HLA-DRB5: variants seen among roughly 807,000 people sequenced by gnomAD.
The protein encoded by HLA-DRB5 is major histocompatibility complex, class II, DR beta 5.
A neutral mutation model predicts 22.4 loss-of-function variants in HLA-DRB5; 11 were observed. The observed-to-expected ratio is 0.49, with a 90% CI of 0.31 to 0.81. The LOEUF (loss-of-function observed/expected upper bound fraction) is 0.81, where lower values mean the gene tolerates loss of function less well. Among genes scored for constraint, HLA-DRB5 ranks in the 40% least tolerant of loss-of-function variants. The pLI, the probability that HLA-DRB5 is intolerant of heterozygous loss-of-function variation, is 0.05. For synonymous variants in HLA-DRB5, 57 were observed against 106.0 expected, an observed-to-expected ratio of 0.54 and a Z score of 2.84; for missense variants, 106 against 274.4, an observed-to-expected ratio of 0.39 and a Z score of 4.34.
intron 1 of HLA-DRB5, among the ~76,000 whole-genome samples, chr6:32,528,404 A>G (rs958446864): frequency 7.3e-6 from 1 of 137,324 alleles, no homozygotes; most frequent in Non-Finnish European, 1.6e-5. Context: ...CCCAGTACAG[A>G]GTAGCTGCTG....
At chr6:32,520,266 G>A (rs181485460) in intron 2 of HLA-DRB5, among the ~76,000 whole-genome samples, 443 of 51,202 alleles carry the variant, frequency 8.7e-3, no homozygotes, top group African/African-American at 0.012. Flanking sequence ...AAAGTAATGT[G>A]GATAGATAAA....
rs1064595 is a variant in HLA-DRB5 at position 32,521,956 on chromosome 6, A to C, written c.319T>G (p.Tyr107Asp). Residue 107 changes from tyrosine (Y) to aspartate (D), a missense_variant, in exon 2 of 6, where the codon TAC becomes GAC. Coordinates refer to ENST00000374975, the MANE Select transcript of HLA-DRB5 (RefSeq NM_002125.4). The part of the protein sequence containing the change: ...LEDRRAAVDT[Y>D]CRHNYGVGES... ...CCAACCCCGTAGTTGTGTCTGCAGTAGGTGTCCACCGCGGCGCGCCTGTCT... is the reference window on the plus strand; with the variant it reads ...CCAACCCCGTAGTTGTGTCTGCAGTCGGTGTCCACCGCGGCGCGCCTGTCT... 98,845 of 1,334,370 alleles carry C rather than the reference A, an allele frequency of 0.074. 12,814 individuals carry two copies. The highest frequency in any genetic ancestry group is 0.14 in the East Asian group (5,477 of 40,050). The allele number at this position is 1,334,370 out of a possible 1,614,324, so 82.7% of individuals were successfully genotyped here. A position where few individuals can be genotyped will look rare whatever the true frequency, so the allele number is the denominator to read the frequency against.
Position 32,521,811 on chromosome 6 carries a change from T to TCTCTCTCACACA in HLA-DRB5, c.370+93_370+94insTGTGTGAGAGAG, listed in dbSNP as rs879229020. ...CTCTGTCTCTCTCTTCCTCTCTCTC[T>TCTCTCTCACACA]CACACACACACACACACACACACAC... On this transcript the variant is annotated intron_variant, in intron 2 of 5. Transcript: ENST00000374975. The TCTCTCTCACACA allele has an allele frequency of 2.2e-4, 55 of 249,320 alleles. 3 individuals carry two copies. In the African/African-American group the frequency reaches 2.3e-3, roughly 11 times the overall value. The allele number at this position is 249,320 out of a possible 1,614,324, so 15.4% of individuals were successfully genotyped here. A position where few individuals can be genotyped will look rare whatever the true frequency, so the allele number is the denominator to read the frequency against.
At position 32,518,545 on chromosome 6, in the gene HLA-DRB5, AG is replaced by A; in HGVS notation, c.763+10del. ...AGTCTATGGAGAGAGCCGCTACCAA[AG>A]GCTCCTCACCTTTCTGATTCTTGAA... On this transcript the variant is annotated intron_variant, in intron 4 of 5. Coordinates refer to ENST00000374975, the MANE Select transcript of HLA-DRB5 (RefSeq NM_002125.4). 2 of 574,346 alleles carry A rather than the reference AG, an allele frequency of 3.5e-6. 1 individual carries two copies. 35.6% of individuals were successfully genotyped at this position (574,346 alleles called of 1,614,324 possible). A position where few individuals can be genotyped will look rare whatever the true frequency, so the allele number is the denominator to read the frequency against.
chr6:32,524,602 T>G (rs145752450), intron 1 of HLA-DRB5, among the ~76,000 whole-genome samples: 40,742 of 77,494 alleles, frequency 0.53, 12,088 homozygotes, highest in Middle Eastern at 0.68. Flanking sequence ...GTAGAGACCT[T>G]CACAAAGCTC....
chr6:32,524,614 G>C (rs73726199), intron 1 of HLA-DRB5, among the ~76,000 whole-genome samples: 53,831 of 83,534 alleles, frequency 0.64, 20,859 homozygotes, highest in Admixed American at 0.7. Context: ...ACAAAGCTCC[G>C]TTTGCCCTTT....
chr6:32,528,108 C>A (rs191837015), intron 1 of HLA-DRB5, among the ~76,000 whole-genome samples: 564 of 51,894 alleles, frequency 0.011, no homozygotes, highest in Admixed American at 0.016. Flanking sequence ...CTCCCTGGAA[C>A]TTTCGTCCCT....
Position 32,517,378 on chromosome 6 carries a change from T to TTTTCTTTTC in HLA-DRB5, c.*360_*361insGAAAAGAAA, listed in dbSNP as rs1768256403. On this transcript the variant is annotated 3_prime_UTR_variant, in exon 6 of 6. Coordinates refer to ENST00000374975, the MANE Select transcript of HLA-DRB5 (RefSeq NM_002125.4). ...TAATCTTCCCTTTTTCTTTTCTTTTTATTTTTTGTCTTTGGAGCCAGGTGG... is the reference window on the plus strand; with the variant it reads ...TAATCTTCCCTTTTTCTTTTCTTTTTTTTCTTTTCATTTTTTGTCTTTGGAGCCAGGTGG... The TTTTCTTTTC allele has an allele frequency of 1.6e-5, 1 of 63,738 alleles. No homozygotes were observed. Among genetic ancestry groups the TTTTCTTTTC allele is most frequent in the African/African-American group, 1.0e-4 (1 of 10,016 alleles). The allele number at this position is 63,738 out of a possible 1,614,324, so 3.9% of individuals were successfully genotyped here. A position where few individuals can be genotyped will look rare whatever the true frequency, so the allele number is the denominator to read the frequency against.
chr6:32,521,264 A>T (rs116025685), intron 2 of HLA-DRB5, among the ~76,000 whole-genome samples: 41,879 of 73,322 alleles, frequency 0.57, 12,106 homozygotes, highest in Middle Eastern at 0.74. Flanking sequence ...CAGTCATTTC[A>T]ACTATGTAAA....
At chr6:32,526,252 T>G (rs112861810) in intron 1 of HLA-DRB5, among the ~76,000 whole-genome samples, 7,064 of 37,056 alleles carry the variant, frequency 0.19, 1,793 homozygotes, top group Middle Eastern at 0.48. Flanking sequence ...TTCACCCTCC[T>G]CTTAGTGGTA....
Position 32,519,486 on chromosome 6 carries a change from T to C in HLA-DRB5, c.536A>G (p.Asn179Ser), listed in dbSNP as rs1195792266. 2 of 1,461,568 alleles carry C rather than the reference T, an allele frequency of 1.4e-6. No homozygotes were observed. The highest frequency in any genetic ancestry group is 1.8e-6 in the Non-Finnish European group (2 of 1,082,298). The allele number at this position is 1,461,568 out of a possible 1,614,324, so 90.5% of individuals were successfully genotyped here. ...AGVVSTGLIQNGDWTFQTLVM... is the reference protein window; with the variant it reads ...AGVVSTGLIQSGDWTFQTLVM... ...CAGGGTCTGGAAGGTCCAGTCTCCATTCTGAATCAGGCCTGTGGACACCAC... is the reference window on the plus strand; with the variant it reads ...CAGGGTCTGGAAGGTCCAGTCTCCACTCTGAATCAGGCCTGTGGACACCAC... Residue 179 changes from asparagine to serine, a missense_variant, in exon 3 of 6, where the codon AAT becomes AGT. Coordinates refer to ENST00000374975, the MANE Select transcript of HLA-DRB5 (RefSeq NM_002125.4).
chr6:32,525,531 A>T (rs113555791), intron 1 of HLA-DRB5, among the ~76,000 whole-genome samples: 20,210 of 107,062 alleles, frequency 0.19, 91 homozygotes, highest in Admixed American at 0.27. Context: ...GAGGGCAGAA[A>T]CACTGGTTTA....
chr6:32,518,789 A>G (rs537642129), intron 3 of HLA-DRB5, 123 bp from the exon 4 acceptor site: 9,821 of 220,320 alleles, frequency 0.045, 18 homozygotes, highest in Admixed American at 0.11. Context: ...TAAAATAACT[A>G]GCCATTTCTG....
intron 2 of HLA-DRB5, 94 bp downstream of exon 2, chr6:32,521,811 T>TCTCTCACACACACA: frequency 1.2e-5 from 3 of 248,810 alleles, no homozygotes; most frequent in African/African-American, 6.6e-5. Context: ...CCTCTCTCTC[T>TCTCTCACACACACA]CACACACACA....
chr6:32,528,455 G>C (rs1298603898), intron 1 of HLA-DRB5, among the ~76,000 whole-genome samples: 3,582 of 36,446 alleles, frequency 0.098, 83 homozygotes, highest in Middle Eastern at 0.15. Flanking sequence ...CCATGGTTCT[G>C]GGAACTGATC....
chr6:32,528,360 T>C (rs147864469), intron 1 of HLA-DRB5, among the ~76,000 whole-genome samples: 15,028 of 142,016 alleles, frequency 0.11, 1 homozygote, highest in Non-Finnish European at 0.12. Context: ...CTCTCTATCT[T>C]ACTCAAATAG....
At chr6:32,526,094 C>T (rs796234439) in intron 1 of HLA-DRB5, among the ~76,000 whole-genome samples, 86 of 72,628 alleles carry the variant, frequency 1.2e-3, no homozygotes, top group Non-Finnish European at 1.7e-3. Flanking sequence ...TTCCCTGAAG[C>T]TCGCTACTCA....
intron 1 of HLA-DRB5, 57 bp downstream of exon 1, chr6:32,530,068 C>T (rs1412251569): frequency 4.2e-6 from 4 of 947,470 alleles, no homozygotes; most frequent in Non-Finnish European, 6.1e-6. Flanking sequence ...ACAATGTTAA[C>T]AAAACTCCCT....
intron 1 of HLA-DRB5, among the ~76,000 whole-genome samples, chr6:32,529,301 T>C (rs1347562883): frequency 4.4e-3 from 345 of 78,092 alleles, no homozygotes; most frequent in Middle Eastern, 0.02. Flanking sequence ...GAATTTCATA[T>C]AATTTGTCCT....
Sources: allele counts gnomAD v4.1 joint callset (sites outside exome capture counted in the v4.1 genomes callset), GRCh38; gene constraint gnomAD v4.1.1; transcripts MANE v1.5; gene names NCBI Gene and HGNC (gene_info 2026-07-23, HGNC 2026-07-21).